Variants in OR6B1 observed in about 807,000 individuals in gnomAD.
OR6B1 encodes olfactory receptor 6B1.
A neutral mutation model predicts 15.4 loss-of-function variants in OR6B1; 15 were observed. The ratio of observed to expected loss-of-function variants is 0.97; its 90% CI spans 0.65 to 1.50. The LOEUF (loss-of-function observed/expected upper bound fraction) is 1.50. OR6B1 is among the 40% of genes most tolerant of loss of function. The probability of loss-of-function intolerance (pLI) is 0.00; values close to 1 mark genes in which losing one functional copy is unlikely to be tolerated. For synonymous variants in OR6B1, 139 were observed against 144.9 expected (o/e 0.96, Z 0.29); for missense variants, 384 against 385.0 (o/e 1.00, Z 0.02).
In OR6B1 at chr7:144,007,424, A is replaced by G. The variant is rs2050631706; in HGVS notation, c.*2492A>G. 6.6e-6 allele frequency: 1 copy of G among 152,220 alleles called. No homozygotes were observed. The highest frequency in any genetic ancestry group is 1.5e-5 in the Non-Finnish European group (1 of 68,036). 9.4% of individuals were successfully genotyped at this position (152,220 alleles called of 1,614,324 possible). ...TAACCATCATAAAAGGCTGGTAGTC[A>G]GTTTCAGTAGTTTATCCAGAGAACA... On this transcript the variant is annotated 3_prime_UTR_variant, in exon 2 of 2. Coordinates refer to ENST00000641698, the MANE Select transcript of OR6B1 (RefSeq NM_001005281.3).
At chr7:144,003,930 A>G (rs1485118976) in intron 1 of OR6B1, 42 bp from the exon 2 acceptor site, 2 of 1,024,746 alleles carry the variant, frequency 2.0e-6, no homozygotes, top group Non-Finnish European at 2.9e-6. Flanking sequence ...GGAAAAATAT[A>G]GCTGGGCCAT....
intron 1 of OR6B1, among the ~76,000 whole-genome samples, chr7:144,003,206 T>C (rs755514316): frequency 1.3e-5 from 2 of 152,192 alleles, no homozygotes; most frequent in Non-Finnish European, 2.9e-5. Flanking sequence ...ATCACTGCTC[T>C]AATATGGGGG....
At chr7:144,003,052 T>C (rs1424106216) in intron 1 of OR6B1, among the ~76,000 whole-genome samples, 1 of 152,172 alleles carries the variant, frequency 6.6e-6, no homozygotes, top group Non-Finnish European at 1.5e-5. Context: ...TTTGCTTGTC[T>C]TTAAAAATCT....
chr7:144,002,810 G>T (rs562857496), intron 1 of OR6B1, among the ~76,000 whole-genome samples: 3 of 152,086 alleles, frequency 2.0e-5, no homozygotes, highest in Non-Finnish European at 4.4e-5. Context: ...CTGGCTTCCT[G>T]CCTTCTTCCT....
In OR6B1 at chr7:144,005,955, T is replaced by A. The variant is rs571319544; in HGVS notation, c.*1023T>A. The A allele has an allele frequency of 6.6e-6, 1 of 152,250 alleles. No individual in the cohort carries two copies. The highest frequency in any genetic ancestry group is 6.5e-5 in the Admixed American group (1 of 15,284). The allele number at this position is 152,250 out of a possible 1,614,324, so 9.4% of individuals were successfully genotyped here. On this transcript the variant is annotated 3_prime_UTR_variant, in exon 2 of 2. Coordinates refer to ENST00000641698, the MANE Select transcript of OR6B1 (RefSeq NM_001005281.3). ...TTGCTCTTGGTTCATAGTTTTGCCA[T>A]TGGCAAAGGGAGATATATTTTTAAG...
rs774073439 is a variant in OR6B1 at position 144,005,185 on chromosome 7, T to C, written c.*253T>C. The C allele has an allele frequency of 2.5e-6, 1 of 399,538 alleles. No homozygotes were observed. Among genetic ancestry groups the C allele is most frequent in the Non-Finnish European group, 4.5e-6 (1 of 223,424 alleles). 24.7% of individuals were successfully genotyped at this position (399,538 alleles called of 1,614,324 possible). On this transcript the variant is annotated 3_prime_UTR_variant, in exon 2 of 2. Transcript: ENST00000641698. ...CAAATGGGGTTTCTAAGACTGTGAG[T>C]AAATTTATAACTGAGTTAAGTAGGA...
At position 144,003,773 on chromosome 7, in the gene OR6B1, T is replaced by TCTCA. The variant is rs1554405844; in HGVS notation, c.-25-198_-25-197insTCAC. Among the ~76,000 whole-genome samples the TCTCA allele has an allele frequency of 2.2e-3, 305 of 140,228 alleles. 1 individual carries two copies. The highest frequency in any genetic ancestry group is 7.4e-3 in the African/African-American group (284 of 38,570). The allele number at this position is 140,228 out of a possible 152,430, so 92.0% of individuals were successfully genotyped here. ...TTCTTCATCTTTAAAACAGATACAATCACACACACACACACACACACACAC... is the reference window on the plus strand; with the variant it reads ...TTCTTCATCTTTAAAACAGATACAATCTCACACACACACACACACACACACACAC... On this transcript the variant is annotated intron_variant, in intron 1 of 1. Transcript: ENST00000641698.
chr7:144,004,569 C>T lies in OR6B1; in HGVS notation c.573C>T (p.Asp191=). 6.2e-7 allele frequency: 1 copy of T among 1,614,112 alleles called. No individual in the cohort carries two copies. Among genetic ancestry groups the T allele is most frequent in the South Asian group, 1.1e-5 (1 of 91,082 alleles). The change falls in exon 2 of 2, where the codon GAC becomes GAT. Residue 191 remains aspartate (D), a synonymous_variant. Coordinates refer to ENST00000641698, the MANE Select transcript of OR6B1 (RefSeq NM_001005281.3). ...CAGTACTTAATCTCTCCTGCACAGA[C>T]ATGTCCATAACTGAGTTGGTAGACT... ...ISPVLNLSCT[D]MSITELVDFI...
intron 1 of OR6B1, among the ~76,000 whole-genome samples, chr7:144,003,360 G>A (rs2050596644): frequency 6.6e-6 from 1 of 152,154 alleles, no homozygotes; most frequent in Non-Finnish European, 1.5e-5. Context: ...CTCAGAGAGG[G>A]TAAGATTTCA....
intron 1 of OR6B1, among the ~76,000 whole-genome samples, chr7:144,003,272 A>G (rs1378830965): frequency 1.3e-5 from 2 of 152,140 alleles, no homozygotes; most frequent in Non-Finnish European, 2.9e-5. Context: ...ATTTACATTA[A>G]CTCATTTGGA....
intron 1 of OR6B1, among the ~76,000 whole-genome samples, chr7:144,001,247 T>C (rs1183385335): frequency 2.6e-5 from 4 of 152,226 alleles, no homozygotes; most frequent in African/African-American, 9.6e-5. Context: ...GCTGTACATA[T>C]TTTGCAGTAA....
At chr7:144,000,801 C>T (rs2050580999) in intron 1 of OR6B1, among the ~76,000 whole-genome samples, 151 bp downstream of exon 1, 1 of 152,204 alleles carries the variant, frequency 6.6e-6, no homozygotes, top group Non-Finnish European at 1.5e-5. Flanking sequence ...GGATAATATT[C>T]TTGTCTCCTG....
Position 144,008,521 on chromosome 7 carries a change from G to T in OR6B1, c.*3589G>T, listed in dbSNP as rs973644830. 3.3e-5 allele frequency: 5 copies of T among 152,184 alleles called. No homozygotes were observed. The highest frequency in any genetic ancestry group is 1.2e-4 in the African/African-American group (5 of 41,434). The allele number at this position is 152,184 out of a possible 1,614,324, so 9.4% of individuals were successfully genotyped here. On this transcript the variant is annotated 3_prime_UTR_variant, in exon 2 of 2. Coordinates refer to ENST00000641698, the MANE Select transcript of OR6B1 (RefSeq NM_001005281.3). Reference sequence around the variant, plus strand: ...TCCCTACCCAAATCTCATCTTGATTGTAATCCCCACATATCAAAAGGGGAA... The same window carrying T: ...TCCCTACCCAAATCTCATCTTGATTTTAATCCCCACATATCAAAAGGGGAA...
chr7:144,004,660 C>G lies in OR6B1; in HGVS notation c.664C>G (p.Leu222Val). 1 of 1,614,236 alleles carries G rather than the reference C, an allele frequency of 6.2e-7. No homozygotes were observed. Among genetic ancestry groups the G allele is most frequent in the Non-Finnish European group, 8.5e-7 (1 of 1,180,036 alleles). ...FITVLSYGCI[L>V]ATILCMPTGK... ...TACTGTCCTGTCCTACGGATGCATT[C>G]TGGCCACCATATTATGCATGCCCAC... Residue 222 changes from leucine to valine, a missense_variant, in exon 2 of 2, where the codon CTG becomes GTG. Coordinates refer to ENST00000641698, the MANE Select transcript of OR6B1 (RefSeq NM_001005281.3).
At chr7:144,003,364 G>T (rs1377297249) in intron 1 of OR6B1, among the ~76,000 whole-genome samples, 1 of 152,186 alleles carries the variant, frequency 6.6e-6, no homozygotes, top group African/African-American at 2.4e-5. Context: ...GAGAGGGTAA[G>T]ATTTCAAGGT....
Position 144,004,915 on chromosome 7 carries a change from G to A in OR6B1, c.919G>A (p.Ala307Thr), listed in dbSNP as rs142237296. 3 of 1,602,260 alleles carry A rather than the reference G, an allele frequency of 1.9e-6. No individual in the cohort carries two copies. Among genetic ancestry groups the A allele is most frequent in the Non-Finnish European group, 2.5e-6 (3 of 1,178,032 alleles). Residue 307 changes from alanine to threonine, a missense_variant, in exon 2 of 2, where the codon GCC becomes ACC. Transcript: ENST00000641698. ...EALKKLAYCQ[A>T]SRSD Reference sequence around the variant, plus strand: ...TCTGAAGAAACTGGCATATTGCCAGGCCAGCAGATCTGACTAGTCAATTAC... The same window carrying A: ...TCTGAAGAAACTGGCATATTGCCAGACCAGCAGATCTGACTAGTCAATTAC...
rs1443562468 is a variant in OR6B1, at chr7:144,006,922, T to A, written c.*1990T>A. 6.6e-6 allele frequency: 1 copy of A among 152,196 alleles called. No individual in the cohort carries two copies. Among genetic ancestry groups the A allele is most frequent in the African/African-American group, 2.4e-5 (1 of 41,444 alleles). The allele number at this position is 152,196 out of a possible 1,614,324, so 9.4% of individuals were successfully genotyped here. A position where few individuals can be genotyped will look rare whatever the true frequency, so the allele number is the denominator to read the frequency against. ...TGGAAAAGACATTGATTGTTAAATA[T>A]CTTGGGCAGTGCATGATCTAAGCAA... On this transcript the variant is annotated 3_prime_UTR_variant, in exon 2 of 2. Transcript: ENST00000641698.
intron 1 of OR6B1, 113 bp from the exon 2 acceptor site, chr7:144,003,859 T>C (rs2050600646): frequency 1.6e-6 from 1 of 631,826 alleles, no homozygotes; most frequent in African/African-American, 1.8e-5. Flanking sequence ...ACCCAGTTCA[T>C]GGTCTGACCT....
At position 144,005,031 on chromosome 7, in the gene OR6B1, TA is replaced by T. The variant is rs1259409901; in HGVS notation, c.*101del. 1.3e-6 allele frequency: 1 copy of T among 777,106 alleles called. No homozygotes were observed. The highest frequency in any genetic ancestry group is 1.7e-5 in the African/African-American group (1 of 57,166). The allele number at this position is 777,106 out of a possible 1,614,324, so 48.1% of individuals were successfully genotyped here. On this transcript the variant is annotated 3_prime_UTR_variant, in exon 2 of 2. Coordinates refer to ENST00000641698, the MANE Select transcript of OR6B1 (RefSeq NM_001005281.3). ...GACTCAGTTAGGACACTGCCCATGT[TA>T]ATATGACATCACCATGTCTACTTCA... is the stretch of plus-strand genomic sequence containing the variant.
Sources: gnomAD v4.1 joint callset for allele counts (sites outside exome capture counted in the v4.1 genomes callset) on GRCh38, gnomAD v4.1.1 for gene constraint, MANE v1.5 for transcripts, NCBI Gene and HGNC (gene_info 2026-07-23, HGNC 2026-07-21) for gene names.